Variants in TNNI3K observed in about 807,000 individuals in gnomAD.
The protein encoded by TNNI3K is TNNI3 interacting kinase.
Under a neutral mutation model 114.5 loss-of-function variants are expected in TNNI3K, and 140 were observed. The observed-to-expected ratio is 1.22, with a 90% CI of 1.07 to 1.41. The LOEUF (loss-of-function observed/expected upper bound fraction) is 1.41. Among genes scored for constraint, TNNI3K ranks in the 40% most tolerant of loss-of-function variants. TNNI3K has a pLI of 0.00. For synonymous variants in TNNI3K, 347 were observed against 347.5 expected, an observed-to-expected ratio of 1.00 and a Z score of 0.02; for missense variants, 1,125 against 1,007.6, an observed-to-expected ratio of 1.12 and a Z score of -1.58.
At chr1:74,244,461 A>G (rs1654433714) in intron 2 of TNNI3K, among the ~76,000 whole-genome samples, 1 of 151,982 alleles carries the variant, frequency 6.6e-6, no homozygotes, top group Non-Finnish European at 1.5e-5. Flanking sequence ...TTTGCTTTCA[A>G]TTTTATTTAT....
chr1:74,414,178 A>G (rs1444427396), intron 17 of TNNI3K, among the ~76,000 whole-genome samples: 1 of 152,162 alleles, frequency 6.6e-6, no homozygotes, highest in African/African-American at 2.4e-5. Flanking sequence ...ACTTGAAAAT[A>G]TTCTGTCCAT....
chr1:74,453,623 A>G (rs2100703137), intron 20 of TNNI3K, among the ~76,000 whole-genome samples: 1 of 152,300 alleles, frequency 6.6e-6, no homozygotes, highest in East Asian at 1.9e-4. Flanking sequence ...TGATAGGGAT[A>G]CATTCAGAAA....
chr1:74,390,888 G>C (rs1663729168), intron 17 of TNNI3K, among the ~76,000 whole-genome samples: 1 of 150,644 alleles, frequency 6.6e-6, no homozygotes, highest in South Asian at 2.1e-4. Flanking sequence ...GATATGGGTG[G>C]GAGGTTATCC....
intron 23 of TNNI3K, among the ~76,000 whole-genome samples, chr1:74,515,037 C>T (rs1646329286): frequency 6.6e-6 from 1 of 152,158 alleles, no homozygotes; most frequent in Non-Finnish European, 1.5e-5. Flanking sequence ...ATATAAGGAT[C>T]GTAGCCCTCA....
intron 10 of TNNI3K, 129 bp downstream of exon 10, chr1:74,353,489 A>G (rs1434871913): frequency 3.1e-6 from 3 of 964,414 alleles, no homozygotes; most frequent in Non-Finnish European, 4.6e-6. Flanking sequence ...ATCAACTGCC[A>G]GCATTTAGAA....
At chr1:74,494,017 G>C (rs545284525) in intron 23 of TNNI3K, among the ~76,000 whole-genome samples, 1 of 152,280 alleles carries the variant, frequency 6.6e-6, no homozygotes, top group African/African-American at 2.4e-5. Context: ...CCCTGTTCTA[G>C]ATGGGGAGCA....
chr1:74,340,152 T>G (rs749359116), intron 7 of TNNI3K, among the ~76,000 whole-genome samples: 3 of 152,132 alleles, frequency 2.0e-5, no homozygotes, highest in Non-Finnish European at 2.9e-5. Context: ...AAATTTTATT[T>G]TATTTTTAGG....
At chr1:74,420,922 G>A (rs1221778858) in intron 17 of TNNI3K, among the ~76,000 whole-genome samples, 1 of 152,074 alleles carries the variant, frequency 6.6e-6, no homozygotes, top group African/African-American at 2.4e-5. Context: ...ACCCATTTAT[G>A]CTAGAGGTTG....
intron 5 of TNNI3K, among the ~76,000 whole-genome samples, chr1:74,319,993 C>T (rs1242312656): frequency 6.6e-6 from 1 of 152,174 alleles, no homozygotes; most frequent in East Asian, 1.9e-4. Flanking sequence ...TCTGCCATTT[C>T]CTAGCCATGT....
At chr1:74,443,349 TACAA>T (rs1666467879) in intron 20 of TNNI3K, among the ~76,000 whole-genome samples, 3 of 151,858 alleles carry the variant, frequency 2.0e-5, no homozygotes, top group Admixed American at 6.6e-5. Context: ...TCCACAGAAA[TACAA>T]ACAACCACCA....
chr1:74,512,796 T>C (rs1435967523), intron 23 of TNNI3K, among the ~76,000 whole-genome samples: 2 of 152,198 alleles, frequency 1.3e-5, no homozygotes, highest in Non-Finnish European at 2.9e-5. Context: ...CTGTCTTCAC[T>C]GTTGGGAGCT....
intron 23 of TNNI3K, among the ~76,000 whole-genome samples, chr1:74,506,379 C>T (rs1020240139): frequency 2.6e-5 from 4 of 152,134 alleles, no homozygotes; most frequent in African/African-American, 9.7e-5. Flanking sequence ...GGCTTTGTAA[C>T]TAGTAAACAG....
chr1:74,481,301 C>A (rs1668488209), intron 21 of TNNI3K, among the ~76,000 whole-genome samples: 1 of 152,178 alleles, frequency 6.6e-6, no homozygotes, highest in African/African-American at 2.4e-5. Flanking sequence ...GGCCCTCCCT[C>A]CGAGGCTATG....
intron 21 of TNNI3K, among the ~76,000 whole-genome samples, chr1:74,466,386 G>C (rs1173529373): frequency 1.3e-5 from 2 of 152,104 alleles, no homozygotes; most frequent in South Asian, 4.1e-4. Context: ...GGTTCTAAAA[G>C]CATTTTTTGG....
At chr1:74,343,508 G>T (rs1052831922) in intron 9 of TNNI3K, among the ~76,000 whole-genome samples, 1 of 152,158 alleles carries the variant, frequency 6.6e-6, no homozygotes, top group Non-Finnish European at 1.5e-5. Context: ...ATGGAAAGCT[G>T]CCAAAAAGGG....
At chr1:74,367,522 T>G (rs1269561797) in intron 12 of TNNI3K, among the ~76,000 whole-genome samples, 180 bp downstream of exon 12, 1 of 151,922 alleles carries the variant, frequency 6.6e-6, no homozygotes. Flanking sequence ...AAGCCTCCAT[T>G]TCAGCTATTT....
chr1:74,256,769 A>T (rs1003814717), intron 4 of TNNI3K, among the ~76,000 whole-genome samples: 1 of 152,112 alleles, frequency 6.6e-6, no homozygotes, highest in Non-Finnish European at 1.5e-5. Context: ...TCTTTGTGCC[A>T]TTGTTGCCAT....
intron 5 of TNNI3K, among the ~76,000 whole-genome samples, chr1:74,300,433 C>G (rs1658255093): frequency 6.6e-6 from 1 of 152,110 alleles, no homozygotes; most frequent in Admixed American, 6.6e-5. Context: ...TATGTTATTG[C>G]TGACACTGAT....
intron 17 of TNNI3K, among the ~76,000 whole-genome samples, chr1:74,387,703 C>A (rs561503189): frequency 6.6e-6 from 1 of 152,294 alleles, no homozygotes; most frequent in South Asian, 2.1e-4. Flanking sequence ...ACTTTGAAGT[C>A]GGCGGTATCG....
Sources: allele counts gnomAD v4.1 joint callset (sites outside exome capture counted in the v4.1 genomes callset), GRCh38; gene constraint gnomAD v4.1.1; transcripts MANE v1.5; gene names NCBI Gene and HGNC (gene_info 2026-07-23, HGNC 2026-07-21).